LMNTD1: variants seen among roughly 807,000 people sequenced by gnomAD.
LMNTD1 encodes lamin tail domain containing 1, also known as lamin tail domain-containing protein 1.
Under a neutral mutation model 50.9 loss-of-function variants are expected in LMNTD1, and 35 were observed. The ratio of observed to expected loss-of-function variants is 0.69; its 90% CI spans 0.53 to 0.91. LMNTD1 has a LOEUF of 0.91. LMNTD1 is among the 40% of genes least tolerant of loss of function. The probability of loss-of-function intolerance (pLI) is 0.00; values close to 1 mark genes in which losing one functional copy is unlikely to be tolerated. For missense variants in LMNTD1, 470 were observed against 475.5 expected, an observed-to-expected ratio of 0.99 and a Z score of 0.11; for synonymous variants, 153 against 161.9, an observed-to-expected ratio of 0.94 and a Z score of 0.42.
intron 1 of LMNTD1, among the ~76,000 whole-genome samples, chr12:25,591,811 C>CAGAGAGAG (rs58392351): frequency 0.081 from 7,271 of 89,818 alleles, 643 homozygotes; most frequent in Non-Finnish European, 0.1. Context: ...TAGCTCAGAA[C>CAGAGAGAG]AGAGAGAGAG....
chr12:25,646,669 T>C (rs1229025383), intron 1 of LMNTD1, among the ~76,000 whole-genome samples: 1 of 152,160 alleles, frequency 6.6e-6, no homozygotes, highest in Non-Finnish European at 1.5e-5. Flanking sequence ...GCATCAACCA[T>C]AGTTCAGAGA....
intron 1 of LMNTD1, among the ~76,000 whole-genome samples, chr12:25,570,489 T>A (rs75341040): frequency 0.043 from 6,493 of 152,246 alleles, 498 homozygotes; most frequent in African/African-American, 0.15. Context: ...ATATTAAGTG[T>A]GTGCAGTGGC....
intron 1 of LMNTD1, among the ~76,000 whole-genome samples, chr12:25,647,232 A>G (rs1947092366): frequency 6.6e-6 from 1 of 152,222 alleles, no homozygotes; most frequent in Admixed American, 6.5e-5. Context: ...GCAGTGGCTC[A>G]TGCCTGTAAT....
chr12:25,619,272 A>G (rs1477743085), intron 1 of LMNTD1, among the ~76,000 whole-genome samples: 2 of 59,482 alleles, frequency 3.4e-5, no homozygotes, highest in African/African-American at 9.7e-5. Flanking sequence ...ATATATATAT[A>G]TATATATGTA....
At chr12:25,589,795 T>C (rs143636001) in intron 1 of LMNTD1, among the ~76,000 whole-genome samples, 1 of 152,278 alleles carries the variant, frequency 6.6e-6, no homozygotes. Flanking sequence ...GAAGAGAGTG[T>C]AGATGGTAAA....
chr12:25,570,854 C>G (rs1206384032), intron 1 of LMNTD1, among the ~76,000 whole-genome samples: 1 of 152,220 alleles, frequency 6.6e-6, no homozygotes, highest in African/African-American at 2.4e-5. Flanking sequence ...ATACTACAAG[C>G]AATCATTTGC....
chr12:25,508,010 C>T (rs949737887), intron 8 of LMNTD1, among the ~76,000 whole-genome samples: 2 of 151,528 alleles, frequency 1.3e-5, no homozygotes, highest in East Asian at 1.9e-4. Context: ...AGTTCATCAA[C>T]GTGTTTTTTT....
chr12:25,532,079 G>A (rs1942261846), intron 4 of LMNTD1, among the ~76,000 whole-genome samples: 1 of 152,130 alleles, frequency 6.6e-6, no homozygotes, highest in Admixed American at 6.5e-5. Flanking sequence ...AGACTACAAT[G>A]TCTGGACCTT....
intron 1 of LMNTD1, among the ~76,000 whole-genome samples, chr12:25,570,921 T>C (rs1944761540): frequency 6.6e-6 from 1 of 152,202 alleles, no homozygotes; most frequent in Middle Eastern, 3.2e-3. Context: ...CATTCTGCTG[T>C]TATTAGTAAT....
chr12:25,530,892 A>G (rs1942180933), intron 4 of LMNTD1, among the ~76,000 whole-genome samples: 1 of 152,206 alleles, frequency 6.6e-6, no homozygotes, highest in African/African-American at 2.4e-5. Flanking sequence ...AGGTGGAATT[A>G]ATCTAATCAA....
At chr12:25,551,895 C>G (rs1943765786) in intron 2 of LMNTD1, among the ~76,000 whole-genome samples, 1 of 152,172 alleles carries the variant, frequency 6.6e-6, no homozygotes, top group South Asian at 2.1e-4. Context: ...TGGTATCTCA[C>G]TCCCTCCGTA....
intron 1 of LMNTD1, among the ~76,000 whole-genome samples, chr12:25,622,746 C>A (rs1016440071): frequency 6.6e-6 from 1 of 152,028 alleles, no homozygotes; most frequent in Non-Finnish European, 1.5e-5. Context: ...CAGAGATGAT[C>A]CCTCTGAAGC....
intron 8 of LMNTD1, among the ~76,000 whole-genome samples, chr12:25,511,314 T>C (rs776572070): frequency 1.3e-5 from 2 of 152,176 alleles, no homozygotes; most frequent in Non-Finnish European, 2.9e-5. Flanking sequence ...CTAAACAAGA[T>C]TGATTATACT....
At chr12:25,640,928 A>G (rs933000704) in intron 1 of LMNTD1, among the ~76,000 whole-genome samples, 14 of 152,120 alleles carry the variant, frequency 9.2e-5, no homozygotes, top group Non-Finnish European at 1.0e-4. Context: ...CGGCCTCCCA[A>G]AGTGTTGGGA....
At position 25,517,144 on chromosome 12, in the gene LMNTD1, G is replaced by A. The variant is rs1354564045; in HGVS notation, c.1189+1651C>T. 7.5e-4 allele frequency among the ~76,000 whole-genome samples: 44 copies of A among 58,540 alleles called. 13 individuals are homozygous for A. Among genetic ancestry groups the A allele is most frequent in the African/African-American group, 1.8e-3 (44 of 23,810 alleles). 38.4% of individuals were successfully genotyped at this position (58,540 alleles called of 152,430 possible). A position where few individuals can be genotyped will look rare whatever the true frequency, so the allele number is the denominator to read the frequency against. ...ACTAGTTCAACCATTGTGGAAGTCA[G>A]TGTGGCGATTCCTCAGGGATCTAGA... On this transcript the variant is annotated intron_variant, in intron 8 of 9. Transcript: ENST00000458174.
intron 1 of LMNTD1, among the ~76,000 whole-genome samples, chr12:25,578,150 GCACA>G (rs141985869): frequency 6.6e-6 from 1 of 151,572 alleles, no homozygotes; most frequent in African/African-American, 2.4e-5. Context: ...GTGCACACAT[GCACA>G]CACACACACA....
chr12:25,602,133 A>C (rs925375315), intron 1 of LMNTD1, among the ~76,000 whole-genome samples: 2 of 151,920 alleles, frequency 1.3e-5, no homozygotes, highest in African/African-American at 4.8e-5. Context: ...ACCAGAAAGA[A>C]GGGGTACTGA....
At chr12:25,527,681 T>TATATACACACACAC (rs1463259109) in intron 4 of LMNTD1, among the ~76,000 whole-genome samples, 4 of 32,342 alleles carry the variant, frequency 1.2e-4, no homozygotes, top group East Asian at 1.1e-3. Flanking sequence ...TATATATATA[T>TATATACACACACAC]ACACACACAC....
intron 1 of LMNTD1, among the ~76,000 whole-genome samples, chr12:25,595,079 A>G (rs938190471): frequency 2.0e-5 from 3 of 152,278 alleles, no homozygotes; most frequent in African/African-American, 7.2e-5. Context: ...TCCCAAACTT[A>G]TAAAACAATT....
Sources: allele counts gnomAD v4.1 joint callset (sites outside exome capture counted in the v4.1 genomes callset), GRCh38; gene constraint gnomAD v4.1.1; transcripts MANE v1.5; gene names NCBI Gene and HGNC (gene_info 2026-07-23, HGNC 2026-07-21).